The following SLC9A8 variants were observed in gnomAD, a reference collection of about 807,000 sequenced individuals.
SLC9A8 encodes the protein sodium/hydrogen exchanger 8.
SLC9A8 carries 48 observed loss-of-function variants against 66.6 expected under a neutral mutation model. That is an observed-to-expected ratio of 0.72 (90% CI 0.57 to 0.92). The LOEUF is 0.92. SLC9A8 is among the 40% of genes least tolerant of loss of function. The pLI is 0.00. For synonymous variants in SLC9A8, 274 were observed against 282.6 expected, an observed-to-expected ratio of 0.97 and a Z score of 0.31; for missense variants, 599 against 747.3, an observed-to-expected ratio of 0.80 and a Z score of 2.31.
chr20:49,875,037 A>G (rs1438175478), intron 11 of SLC9A8, among the ~76,000 whole-genome samples: 1 of 152,216 alleles, frequency 6.6e-6, no homozygotes, highest in Non-Finnish European at 1.5e-5. Flanking sequence ...GGCGCCTACA[A>G]TTTAAAGACC....
Position 49,841,566 on chromosome 20 carries a change from A to G in SLC9A8, c.348+1967A>G, listed in dbSNP as rs545786681. 7.0e-3 allele frequency among the ~76,000 whole-genome samples: 608 copies of G among 87,370 alleles called. 5 individuals are homozygous for G. Among genetic ancestry groups the G allele is most frequent in the African/African-American group, 0.021 (567 of 27,036 alleles). 57.3% of individuals were successfully genotyped at this position (87,370 alleles called of 152,430 possible). On this transcript the variant is annotated intron_variant, in intron 4 of 15. Transcript: ENST00000361573. ...ATCAACTTGCTTTTTAATTATATGTATATATATATAAATTATTTATTTATT... is the reference window on the plus strand; with the variant it reads ...ATCAACTTGCTTTTTAATTATATGTGTATATATATAAATTATTTATTTATT...
chr20:49,855,589 C>T lies in SLC9A8; in HGVS notation c.713+8C>T, dbSNP rs373683919. 9.3e-6 allele frequency: 15 copies of T among 1,612,954 alleles called. No homozygotes were observed. The highest frequency in any genetic ancestry group is 5.3e-5 in the African/African-American group (4 of 74,966). ...CTCCATTGTTCTGACCAAGTAAGTA[C>T]GGGGGCAGAGAACAGACTTTTTTCA... On this transcript the variant is annotated splice_region_variant and intron_variant, in intron 8 of 15. Coordinates refer to ENST00000361573, the MANE Select transcript of SLC9A8 (RefSeq NM_015266.3).
rs1568890121 is a variant in SLC9A8 at position 49,887,893 on chromosome 20, A to G, written c.1703A>G (p.Gln568Arg). 15 of 1,613,838 alleles carry G rather than the reference A, an allele frequency of 9.3e-6. No individual in the cohort carries two copies. Among genetic ancestry groups the G allele is most frequent in the East Asian group, 2.2e-5 (1 of 44,878 alleles). Reference protein sequence around the residue: ...LTNKWYEEVRQGPSGSEDDEQ... With the variant: ...LTNKWYEEVRRGPSGSEDDEQ... Reference sequence around the variant, plus strand: ...AACAAGTGGTACGAGGAGGTACGCCAGGGCCCCTCCGGCTCCGAGGACGAC... The same window carrying G: ...AACAAGTGGTACGAGGAGGTACGCCGGGGCCCCTCCGGCTCCGAGGACGAC... Residue 568 changes from glutamine (Q) to arginine (R), a missense_variant, in exon 16 of 16, where the codon CAG (glutamine) becomes CGG (arginine). Physicochemically the swap from Gln to Arg is conservative, Grantham distance 43 (BLOSUM62 1). Coordinates refer to ENST00000361573, the MANE Select transcript of SLC9A8 (RefSeq NM_015266.3).
At chr20:49,825,549 A>G (rs1213611481) in intron 3 of SLC9A8, among the ~76,000 whole-genome samples, 2 of 152,134 alleles carry the variant, frequency 1.3e-5, no homozygotes, top group African/African-American at 2.4e-5. Context: ...GGCTGAAGCA[A>G]TAGAACCACT....
intron 8 of SLC9A8, among the ~76,000 whole-genome samples, chr20:49,860,219 C>A (rs2088677670): frequency 6.6e-6 from 1 of 152,152 alleles, no homozygotes; most frequent in Non-Finnish European, 1.5e-5. Flanking sequence ...GGATGTTAAC[C>A]TGTGATCTGC....
chr20:49,834,418 CTGTATATATAT>C (rs1568814126), intron 3 of SLC9A8, among the ~76,000 whole-genome samples: 640 of 32,966 alleles, frequency 0.019, 33 homozygotes, highest in East Asian at 0.026. Context: ...TATATATATA[CTGTATATATAT>C]ACTGTATATA....
intron 7 of SLC9A8, among the ~76,000 whole-genome samples, chr20:49,852,436 C>A (rs895334901): frequency 6.6e-6 from 1 of 152,148 alleles, no homozygotes; most frequent in African/African-American, 2.4e-5. Context: ...CTTTTTGCAA[C>A]CTCTGCACTG....
At chr20:49,872,149 A>C (rs2281221) in intron 10 of SLC9A8, among the ~76,000 whole-genome samples, 5,710 of 152,266 alleles carry the variant, frequency 0.038, 145 homozygotes, top group East Asian at 0.086. Flanking sequence ...AACACTCTTG[A>C]GCTTCAAAGA....
chr20:49,877,201 G>T (rs922329317), intron 11 of SLC9A8, among the ~76,000 whole-genome samples: 1 of 151,904 alleles, frequency 6.6e-6, no homozygotes, highest in Non-Finnish European at 1.5e-5. Context: ...GGCTGAGGCA[G>T]GAGAATTGCT....
chr20:49,877,602 C>T (rs1185190865), intron 11 of SLC9A8, among the ~76,000 whole-genome samples: 1 of 152,144 alleles, frequency 6.6e-6, no homozygotes, highest in Non-Finnish European at 1.5e-5. Flanking sequence ...TGTCATGTGG[C>T]GTCTGCAGTC....
chr20:49,887,241 T>G (rs972165737), intron 15 of SLC9A8, among the ~76,000 whole-genome samples: 3 of 152,170 alleles, frequency 2.0e-5, no homozygotes, highest in Non-Finnish European at 4.4e-5. Flanking sequence ...TGCCCCCAGC[T>G]CAGGGCTCTG....
intron 4 of SLC9A8, among the ~76,000 whole-genome samples, chr20:49,844,530 T>A (rs2087897804): frequency 6.7e-6 from 1 of 148,922 alleles, no homozygotes; most frequent in South Asian, 2.1e-4. Context: ...ATGCCTGTAA[T>A]CCCAGCATTT....
chr20:49,830,967 G>T, intron 3 of SLC9A8: 1 of 774,900 alleles, frequency 1.3e-6, no homozygotes, highest in Middle Eastern at 2.4e-4. Context: ...ATTGCGCTGG[G>T]CAATGCGGTC....
chr20:49,869,014 C>G (rs964931173), intron 10 of SLC9A8, among the ~76,000 whole-genome samples: 3 of 152,150 alleles, frequency 2.0e-5, no homozygotes, highest in Non-Finnish European at 4.4e-5. Context: ...TTTTATTGTT[C>G]AGTCAAGCCA....
intron 2 of SLC9A8, among the ~76,000 whole-genome samples, chr20:49,815,705 G>A (rs6512595): frequency 0.091 from 13,743 of 151,790 alleles, 707 homozygotes; most frequent in Middle Eastern, 0.13. Context: ...AGATCACGCC[G>A]CTGCACTCCA....
intron 4 of SLC9A8, among the ~76,000 whole-genome samples, chr20:49,842,156 G>A (rs866806013): frequency 1.3e-5 from 2 of 151,126 alleles, no homozygotes; most frequent in East Asian, 1.9e-4. Context: ...TGCAACCTCC[G>A]CCTCCCAGGT....
intron 3 of SLC9A8, among the ~76,000 whole-genome samples, chr20:49,826,500 G>A (rs768927491): frequency 2.2e-4 from 33 of 152,116 alleles, no homozygotes; most frequent in Non-Finnish European, 4.1e-4. Flanking sequence ...TTTATAGTTA[G>A]GTGTTCAGCA....
intron 15 of SLC9A8, among the ~76,000 whole-genome samples, chr20:49,887,452 C>T (rs2089931835): frequency 6.6e-6 from 1 of 152,208 alleles, no homozygotes. Context: ...CCTTCTCCAG[C>T]ATCCTGTGCA....
intron 4 of SLC9A8, 31 bp from the exon 5 acceptor site, chr20:49,845,005 T>C (rs2087923692): frequency 2.0e-6 from 3 of 1,466,008 alleles, no homozygotes; most frequent in African/African-American, 1.4e-5. Flanking sequence ...ACAAATTCCA[T>C]GCCCTTAAGA....
Sources: allele counts gnomAD v4.1 joint callset (sites outside exome capture counted in the v4.1 genomes callset), GRCh38; gene constraint gnomAD v4.1.1; transcripts MANE v1.5; gene names NCBI Gene and HGNC (gene_info 2026-07-23, HGNC 2026-07-21).